The following SCN1A variants were observed in gnomAD, a reference collection of about 807,000 sequenced individuals.
SCN1A encodes the protein sodium channel protein type 1 subunit alpha.
Under a neutral mutation model 193.7 loss-of-function variants are expected in SCN1A, and 13 were observed. The ratio of observed to expected loss-of-function variants is 0.07; its 90% CI spans 0.04 to 0.11. SCN1A has a LOEUF of 0.11. SCN1A is among the 10% of genes least tolerant of loss of function. SCN1A has a pLI of 1.00. For missense variants in SCN1A, 1,432 were observed against 2,451.1 expected (o/e 0.58, Z 8.78); for synonymous variants, 781 against 843.6 (o/e 0.93, Z 1.29).
chr2:166,132,650 T>C (rs1691705914), upstream of SCN1A, among the ~76,000 whole-genome samples: 1 of 152,202 alleles, frequency 6.6e-6, no homozygotes, highest in African/African-American at 2.4e-5. Flanking sequence ...AACTAGTTTT[T>C]CTGCAAGTTT....
chr2:166,108,398 C>T (rs1688930551), intron 2 of SCN1A, among the ~76,000 whole-genome samples: 1 of 152,006 alleles, frequency 6.6e-6, no homozygotes, highest in African/African-American at 2.4e-5. Flanking sequence ...AATACACTGG[C>T]AGTGTCTTAC....
upstream of SCN1A, among the ~76,000 whole-genome samples, chr2:166,130,501 A>G (rs1409988004): frequency 1.3e-5 from 2 of 152,192 alleles, no homozygotes; most frequent in African/African-American, 2.4e-5. Context: ...ATCTACACAT[A>G]GCAAATTCGG....
intron 2 of SCN1A, among the ~76,000 whole-genome samples, chr2:166,105,047 G>A (rs1190334470): frequency 6.6e-6 from 1 of 152,168 alleles, no homozygotes; most frequent in East Asian, 1.9e-4. Flanking sequence ...TATATCATAT[G>A]TCTTACTCCT....
intron 1 of SCN1A, among the ~76,000 whole-genome samples, chr2:166,136,404 A>T (rs11692466): frequency 0.12 from 18,216 of 148,488 alleles, 2,198 homozygotes; most frequent in African/African-American, 0.32. Context: ...TGTTTCTAAG[A>T]TTACATATCA....
At chr2:166,118,907 A>G (rs532595587) in intron 2 of SCN1A, among the ~76,000 whole-genome samples, 6 of 152,260 alleles carry the variant, frequency 3.9e-5, no homozygotes, top group Non-Finnish European at 7.4e-5. Flanking sequence ...GGAGTCCCCA[A>G]CCTTTTTGGC....
At chr2:166,015,837 G>T in intron 19 of SCN1A, 110 bp from the exon 20 acceptor site, 3 of 1,202,232 alleles carry the variant, frequency 2.5e-6, no homozygotes, top group Non-Finnish European at 2.4e-6. Flanking sequence ...TTGAGGTAGA[G>T]ATATTTTTAG....
intron 2 of SCN1A, among the ~76,000 whole-genome samples, chr2:166,101,272 C>G (rs1275615401): frequency 6.7e-6 from 1 of 149,036 alleles, no homozygotes; most frequent in African/African-American, 2.5e-5. Context: ...AAAAACCAAA[C>G]ACCGCATATT....
At chr2:166,048,791 G>A in intron 10 of SCN1A, 95 bp downstream of exon 10, 1 of 816,268 alleles carries the variant, frequency 1.2e-6, no homozygotes, top group Non-Finnish European at 2.1e-6. Flanking sequence ...AAATTAGTTG[G>A]CTGTTATCTT....
chr2:166,039,359 C>T, intron 17 of SCN1A, 64 bp downstream of exon 17: 1 of 1,521,708 alleles, frequency 6.6e-7, no homozygotes, highest in Non-Finnish European at 9.0e-7. Flanking sequence ...TATGACATTG[C>T]TATGCAAGAA....
chr2:166,095,707 A>G (rs1293179340), intron 2 of SCN1A, among the ~76,000 whole-genome samples: 1 of 152,210 alleles, frequency 6.6e-6, no homozygotes, highest in Non-Finnish European at 1.5e-5. Flanking sequence ...ACTTGACACT[A>G]GAGTCTCACT....
chr2:166,016,413 A>C (rs1186994915), intron 19 of SCN1A: 2 of 152,108 alleles, frequency 1.3e-5, no homozygotes, highest in Admixed American at 6.6e-5. Flanking sequence ...TCCTCTGACA[A>C]ATCATGTTTA....
chr2:166,045,085 C>G lies in SCN1A; in HGVS notation c.1620G>C (p.Gly540=), dbSNP rs1417472613. 37 of 1,614,042 alleles carry G rather than the reference C, an allele frequency of 2.3e-5. No individual in the cohort carries two copies. Among genetic ancestry groups the G allele is most frequent in the Non-Finnish European group, 3.1e-5 (36 of 1,180,022 alleles). Residue 540 remains glycine (G), a synonymous_variant, in exon 13 of 29, where the codon GGG becomes GGC. Transcript: ENST00000674923. Reference sequence around the variant, plus strand: ...ACCTCTTTTCATATGTCAATCGGTTCCCTTCAATGGAGAAGCGAAAACCTT... The same window carrying G: ...ACCTCTTTTCATATGTCAATCGGTTGCCTTCAATGGAGAAGCGAAAACCTT... ...RRKGFRFSIE[G]NRLTYEKRYS...
chr2:166,052,748 C>T, intron 8 of SCN1A, 104 bp downstream of exon 8: 1 of 941,214 alleles, frequency 1.1e-6, no homozygotes, highest in Non-Finnish European at 1.7e-6. Flanking sequence ...TTCTTTGAAA[C>T]ACCTAGTCTT....
rs794727375 is a variant in SCN1A, at chr2:165,998,125, A to G, written c.4389T>C (p.Phe1463=). 1.2e-6 allele frequency: 2 copies of G among 1,606,146 alleles called. No individual in the cohort carries two copies. Among genetic ancestry groups the G allele is most frequent in the Non-Finnish European group, 1.7e-6 (2 of 1,174,442 alleles). The change falls in exon 26 of 29, where the codon TTT becomes TTC. Residue 1463 remains phenylalanine (F), a synonymous_variant. Transcript: ENST00000674923. The stretch of plus-strand genomic sequence containing the variant: ...AGGACCCAAAGATGATGAAAATAAC[A>G]AAGTAAAGATACATGTACAGACTTT... The part of the protein sequence containing the change: ...YEESLYMYLY[F]VIFIIFGSFF...
upstream of SCN1A, among the ~76,000 whole-genome samples, chr2:166,129,292 A>G (rs557231838): frequency 6.6e-6 from 1 of 152,276 alleles, no homozygotes; most frequent in East Asian, 1.9e-4. Context: ...TTTGCAACAT[A>G]CCTAAAAGTT....
At chr2:165,985,295 A>C (rs185179669), downstream of SCN1A, 31 of 150,158 alleles carry the variant, frequency 2.1e-4, no homozygotes, top group Admixed American at 1.2e-3. Context: ...GGGAGAGAGG[A>C]AGGAAGGGAG....
chr2:166,144,858 T>C (rs113739703), intron 1 of SCN1A, among the ~76,000 whole-genome samples: 112 of 115,666 alleles, frequency 9.7e-4, no homozygotes, highest in Admixed American at 2.0e-3. Flanking sequence ...TCATGGTTTT[T>C]TTTTTTTTTT....
At chr2:166,009,652 T>C in intron 23 of SCN1A, 67 bp downstream of exon 23, 1 of 1,495,278 alleles carries the variant, frequency 6.7e-7, no homozygotes, top group Non-Finnish European at 9.0e-7. Flanking sequence ...AGATTTTCCT[T>C]TTTCTAAATT....
intron 28 of SCN1A, chr2:165,993,214 A>T (rs73969739): frequency 0.44 from 48,739 of 111,274 alleles, 8,166 homozygotes; most frequent in Middle Eastern, 0.49. Context: ...TGTGTGTGAG[A>T]GAGAGAGAGA....
Sources: allele counts gnomAD v4.1 joint callset (sites outside exome capture counted in the v4.1 genomes callset), GRCh38; gene constraint gnomAD v4.1.1; transcripts MANE v1.5; gene names NCBI Gene and HGNC (gene_info 2026-07-23, HGNC 2026-07-21).